The following XIRP2 variants were observed in gnomAD, a reference collection of about 807,000 sequenced individuals.
XIRP2 encodes the protein xin actin-binding repeat-containing protein 2.
In XIRP2, 236 loss-of-function variants were observed where a neutral mutation model predicts 277.0. The observed-to-expected ratio is 0.85, with a 90% CI of 0.77 to 0.95. The LOEUF (loss-of-function observed/expected upper bound fraction) is 0.95, where lower values mean the gene tolerates loss of function less well. XIRP2 is among the 40% of genes least tolerant of loss of function. XIRP2 has a pLI of 0.00. For synonymous variants in XIRP2, 1,490 were observed against 1,416.5 expected, an observed-to-expected ratio of 1.05 and a Z score of -1.17; for missense variants, 4,640 against 4,157.5, an observed-to-expected ratio of 1.12 and a Z score of -3.19.
At chr2:167,226,240 C>T (rs1394954260) in intron 5 of XIRP2, among the ~76,000 whole-genome samples, 1 of 152,124 alleles carries the variant, frequency 6.6e-6, no homozygotes, top group African/African-American at 2.4e-5. Flanking sequence ...TTATCTTTGC[C>T]ATGCTCATAA....
intron 2 of XIRP2, among the ~76,000 whole-genome samples, chr2:167,012,907 C>A (rs1409497504): frequency 2.6e-5 from 4 of 151,164 alleles, no homozygotes; most frequent in Non-Finnish European, 5.9e-5. Context: ...TTGTTATTTC[C>A]AGTTCATCAT....
intron 2 of XIRP2, among the ~76,000 whole-genome samples, chr2:166,929,080 C>G (rs1215782147): frequency 6.6e-6 from 1 of 151,954 alleles, no homozygotes; most frequent in Non-Finnish European, 1.5e-5. Flanking sequence ...CAGCCTCAGC[C>G]TCACCTGTGA....
chr2:166,923,540 A>G (rs943869834), intron 2 of XIRP2, among the ~76,000 whole-genome samples: 4 of 152,146 alleles, frequency 2.6e-5, no homozygotes, highest in South Asian at 2.1e-4. Flanking sequence ...TCCAGTTTCC[A>G]TAAAGATATG....
chr2:166,914,744 A>C (rs2105350656), intron 2 of XIRP2, among the ~76,000 whole-genome samples: 1 of 152,286 alleles, frequency 6.6e-6, no homozygotes, highest in East Asian at 1.9e-4. Flanking sequence ...ATTGTTTAAA[A>C]ATGGTTGGAT....
chr2:167,091,630 T>C (rs973165201), intron 2 of XIRP2, among the ~76,000 whole-genome samples: 24 of 152,138 alleles, frequency 1.6e-4, no homozygotes, highest in African/African-American at 5.8e-4. Flanking sequence ...ATCTGAAAAC[T>C]CTAAGTTTTT....
At position 167,247,532 on chromosome 2, in the gene XIRP2, C is replaced by G. The variant is rs191159891; in HGVS notation, c.6140C>G (p.Ser2047Cys). 2.5e-6 allele frequency: 4 copies of G among 1,613,700 alleles called. No individual in the cohort carries two copies. In the African/African-American group the frequency reaches 4.0e-5, roughly 16 times the overall value. ...CTGGAGAAAAGCCTTAGAAGACTAT[C>G]TAATTCACACCATAAATCTAATGTT... ...DALEKSLRRL[S>C]NSHHKSNVLE... Residue 2047 changes from serine (S) to cysteine (C), a missense_variant, in exon 9 of 11, where the codon TCT becomes TGT. Transcript: ENST00000409195.
chr2:166,950,251 C>G (rs1450737790), intron 2 of XIRP2, among the ~76,000 whole-genome samples: 1 of 151,982 alleles, frequency 6.6e-6, no homozygotes, highest in Non-Finnish European at 1.5e-5. Context: ...AACTGAAGTG[C>G]CCTCCCTGGT....
At chr2:166,962,003 C>T (rs916136919) in intron 2 of XIRP2, among the ~76,000 whole-genome samples, 2 of 151,308 alleles carry the variant, frequency 1.3e-5, no homozygotes, top group African/African-American at 2.4e-5. Flanking sequence ...GAATGAAGAT[C>T]GGAAGGTGAA....
intron 2 of XIRP2, among the ~76,000 whole-genome samples, chr2:167,057,655 G>A (rs1285739840): frequency 1.3e-5 from 2 of 152,122 alleles, no homozygotes; most frequent in Non-Finnish European, 1.5e-5. Flanking sequence ...TTGGCATGTC[G>A]ACAGTTTACA....
chr2:167,166,002 T>C (rs1248981579), intron 3 of XIRP2, among the ~76,000 whole-genome samples: 1 of 152,226 alleles, frequency 6.6e-6, no homozygotes, highest in East Asian at 1.9e-4. Flanking sequence ...CATTAGAATT[T>C]TTTTATAAAA....
chr2:166,947,660 AC>A (rs1206729243), intron 2 of XIRP2, among the ~76,000 whole-genome samples: 2 of 152,108 alleles, frequency 1.3e-5, no homozygotes, highest in African/African-American at 4.8e-5. Context: ...GCTGGTGGGA[AC>A]GTAAAATGGA....
intron 2 of XIRP2, among the ~76,000 whole-genome samples, chr2:167,090,454 C>T (rs1690107301): frequency 6.6e-6 from 1 of 152,162 alleles, no homozygotes; most frequent in Middle Eastern, 3.4e-3. Context: ...TTTGTTTTAT[C>T]TGTGTCTGAT....
intron 2 of XIRP2, among the ~76,000 whole-genome samples, chr2:167,024,865 A>T (rs1688104219): frequency 6.6e-6 from 1 of 152,188 alleles, no homozygotes; most frequent in Non-Finnish European, 1.5e-5. Context: ...CCAGTATTTT[A>T]TTGAGGATTT....
At chr2:166,978,291 GTAAT>G (rs1268948187) in intron 2 of XIRP2, among the ~76,000 whole-genome samples, 1 of 152,068 alleles carries the variant, frequency 6.6e-6, no homozygotes, top group Non-Finnish European at 1.5e-5. Flanking sequence ...TCTACAATAA[GTAAT>G]CAATCAGGCA....
At chr2:166,937,946 C>A (rs561538255) in intron 2 of XIRP2, among the ~76,000 whole-genome samples, 3 of 152,108 alleles carry the variant, frequency 2.0e-5, no homozygotes, top group Admixed American at 6.5e-5. Flanking sequence ...GTGATATCCC[C>A]TTTATCATTT....
At chr2:166,938,126 C>A (rs1285410884) in intron 2 of XIRP2, among the ~76,000 whole-genome samples, 1 of 152,050 alleles carries the variant, frequency 6.6e-6, no homozygotes, top group African/African-American at 2.4e-5. Flanking sequence ...TTATTTCTTG[C>A]CTTCTGCTAG....
At chr2:167,110,589 T>C (rs1198329904) in intron 2 of XIRP2, among the ~76,000 whole-genome samples, 1 of 152,200 alleles carries the variant, frequency 6.6e-6, no homozygotes, top group East Asian at 1.9e-4. Context: ...TCTAATATAG[T>C]TTGAAGTCTG....
At chr2:166,998,496 G>A (rs1054191467) in intron 2 of XIRP2, among the ~76,000 whole-genome samples, 2 of 152,110 alleles carry the variant, frequency 1.3e-5, no homozygotes, top group African/African-American at 4.8e-5. Flanking sequence ...AATTAGCTGG[G>A]GGTGGTGGCA....
At chr2:166,939,724 CA>C (rs1158683568) in intron 2 of XIRP2, among the ~76,000 whole-genome samples, 71 of 119,828 alleles carry the variant, frequency 5.9e-4, no homozygotes, top group African/African-American at 7.8e-4. Flanking sequence ...AAAAACAAAA[CA>C]AAAAAAAAAC....
Sources: allele counts gnomAD v4.1 joint callset (sites outside exome capture counted in the v4.1 genomes callset), GRCh38; gene constraint gnomAD v4.1.1; transcripts MANE v1.5; gene names NCBI Gene and HGNC (gene_info 2026-07-23, HGNC 2026-07-21).